ZNF362: variants seen among roughly 807,000 people sequenced by gnomAD.
ZNF362 encodes the protein rotund homolog.
In ZNF362, 11 loss-of-function variants were observed where a neutral mutation model predicts 42.9. That is an observed-to-expected ratio of 0.26 (90% confidence interval 0.16 to 0.42). The LOEUF is 0.42. Ranked by LOEUF, ZNF362 falls within the 20% of genes least tolerant of loss-of-function variation. ZNF362 has a pLI of 1.00. For missense variants in ZNF362, 362 were observed against 576.2 expected, an observed-to-expected ratio of 0.63 and a Z score of 3.81; for synonymous variants, 255 against 257.3, an observed-to-expected ratio of 0.99 and a Z score of 0.09.
chr1:33,163,688 C>G, the ZNF362 span: 2 of 152,404 alleles, frequency 1.3e-5, no homozygotes, highest in African/African-American at 4.8e-5. Flanking sequence ...CATCACCCCG[C>G]CAGGGCGCCG....
At chr1:33,204,177 A>AT in the ZNF362 span, among the ~76,000 whole-genome samples, 1 of 152,126 alleles carries the variant, frequency 6.6e-6, no homozygotes, top group Non-Finnish European at 1.5e-5. Context: ...CAGTTTCCAC[A>AT]TTTTTTGGCA....
the ZNF362 span, among the ~76,000 whole-genome samples, chr1:33,128,203 CAAAAAAAAA>C: frequency 1.2e-5 from 1 of 83,704 alleles, no homozygotes; most frequent in African/African-American, 4.3e-5. Context: ...CCCACCTCTC[CAAAAAAAAA>C]AAAAAAAAAA....
chr1:33,141,028 T>C, the ZNF362 span, among the ~76,000 whole-genome samples: 1 of 152,160 alleles, frequency 6.6e-6, no homozygotes, highest in East Asian at 1.9e-4. Context: ...CTGCTGTCTT[T>C]GCATCTGTGT....
chr1:33,276,350 G>T lies in ZNF362; in HGVS notation c.105G>T (p.Leu35=). 1 of 1,552,744 alleles carries T rather than the reference G, an allele frequency of 6.4e-7. No homozygotes were observed. The highest frequency in any genetic ancestry group is 1.2e-5 in the South Asian group (1 of 84,774). ...AGCCCGTCCTCTTCTTCCCGCAGCT[G>T]GACAACCTGGTTCTGATTAACAAGA... ...WPPPPTMPSQ[L]DNLVLINKIK... The change falls in exon 4 of 9, where the codon CTG becomes CTT. Residue 35 remains leucine (L), a splice_region_variant and synonymous_variant. Transcript: ENST00000539719.
the ZNF362 span, chr1:33,200,204 CA>C: frequency 6.6e-6 from 1 of 152,288 alleles, no homozygotes; most frequent in Non-Finnish European, 1.5e-5. Context: ...GCTGCTGTGA[CA>C]AAATACCTTA....
the ZNF362 span, among the ~76,000 whole-genome samples, chr1:33,228,825 C>T: frequency 6.6e-6 from 1 of 152,264 alleles, no homozygotes; most frequent in African/African-American, 2.4e-5. Flanking sequence ...AAGGTCAAGC[C>T]TATCATTCCT....
At chr1:33,231,181 A>G in the ZNF362 span, among the ~76,000 whole-genome samples, 1 of 152,200 alleles carries the variant, frequency 6.6e-6, no homozygotes, top group Non-Finnish European at 1.5e-5. Context: ...TAGGGAAACC[A>G]AGGCATAGAG....
the ZNF362 span, among the ~76,000 whole-genome samples, chr1:33,144,766 G>T: frequency 6.6e-6 from 1 of 152,158 alleles, no homozygotes; most frequent in Non-Finnish European, 1.5e-5. Context: ...TGGACCTCAG[G>T]ATGGTCCTGG....
the ZNF362 span, among the ~76,000 whole-genome samples, chr1:33,170,948 G>A: frequency 6.6e-6 from 1 of 152,218 alleles, no homozygotes; most frequent in Non-Finnish European, 1.5e-5. Context: ...GAGACAGAGC[G>A]GTCACTGTGT....
At chr1:33,140,193 A>C in the ZNF362 span, among the ~76,000 whole-genome samples, 1 of 152,124 alleles carries the variant, frequency 6.6e-6, no homozygotes, top group African/African-American at 2.4e-5. The surrounding 1 kb of genome is among the most constrained non-coding windows in gnomAD (Gnocchi z 4.0). Context: ...TGTTCAGCCG[A>C]TGAGGAACAG....
At chr1:33,272,448 GT>G (rs1645911664) in intron 2 of ZNF362, among the ~76,000 whole-genome samples, 2 of 150,594 alleles carry the variant, frequency 1.3e-5, no homozygotes, top group Non-Finnish European at 2.9e-5. Flanking sequence ...TCAGCAGGCC[GT>G]TTTCTGGAAG....
At chr1:33,137,206 G>A in the ZNF362 span, among the ~76,000 whole-genome samples, 1 of 152,110 alleles carries the variant, frequency 6.6e-6, no homozygotes, top group African/African-American at 2.4e-5. Flanking sequence ...GTAGTATGGG[G>A]ACTGGAGGCT....
At chr1:33,283,822 A>G (rs1646013764) in intron 6 of ZNF362, among the ~76,000 whole-genome samples, 1 of 152,264 alleles carries the variant, frequency 6.6e-6, no homozygotes, top group Non-Finnish European at 1.5e-5. Context: ...AGTTAGTTTC[A>G]GCAATTTTCT....
chr1:33,293,269 TG>T lies in ZNF362; in HGVS notation c.909-1664del, dbSNP rs144042770. On this transcript the variant is annotated intron_variant, in intron 6 of 8. Coordinates refer to ENST00000539719, the MANE Select transcript of ZNF362 (RefSeq NM_152493.3). ...TGAGGATGCAGACATAGCAGAGGTG[TG>T]GGGAGACTTATCAGACATGGCTGGC... 4.3e-3 allele frequency among the ~76,000 whole-genome samples: 654 copies of T among 152,234 alleles called. 4 individuals carry two copies. Among genetic ancestry groups the T allele is most frequent in the African/African-American group, 0.015 (623 of 41,536 alleles).
chr1:33,264,415 T>C (rs1645850911), intron 1 of ZNF362, among the ~76,000 whole-genome samples: 2 of 152,218 alleles, frequency 1.3e-5, no homozygotes, highest in Non-Finnish European at 2.9e-5. Context: ...GGCAGCTGAC[T>C]GTTCAGGAGT....
chr1:33,246,503 G>C, the ZNF362 span, among the ~76,000 whole-genome samples: 1 of 152,174 alleles, frequency 6.6e-6, no homozygotes, highest in African/African-American at 2.4e-5. Flanking sequence ...CTTTTTTCCA[G>C]GTGGGTGTAG....
At chr1:33,223,124 G>GCACA in the ZNF362 span, among the ~76,000 whole-genome samples, 2 of 152,038 alleles carry the variant, frequency 1.3e-5, no homozygotes, top group South Asian at 2.1e-4. Flanking sequence ...TGTGGCGTGT[G>GCACA]CCTGTAGTCC....
At chr1:33,165,585 C>A in the ZNF362 span, 1 of 1,592,660 alleles carries the variant, frequency 6.3e-7, no homozygotes, top group Non-Finnish European at 8.6e-7. This position sits in a 1 kb window ranked among gnomAD's most constrained non-coding sequence, Gnocchi z 4.0. Flanking sequence ...CACACAGGGC[C>A]GGGATGGGGG....
At chr1:33,213,476 G>A in the ZNF362 span, among the ~76,000 whole-genome samples, 1 of 152,096 alleles carries the variant, frequency 6.6e-6, no homozygotes, top group African/African-American at 2.4e-5. Context: ...AAAGAAGCTG[G>A]TAAATGTGTT....
Sources: allele counts gnomAD v4.1 joint callset (sites outside exome capture counted in the v4.1 genomes callset), GRCh38; gene constraint gnomAD v4.1.1; non-coding constraint Gnocchi (gnomAD v3.1); transcripts MANE v1.5; gene names NCBI Gene and HGNC (gene_info 2026-07-23, HGNC 2026-07-21).